The following SNRNP70 variants were observed in gnomAD, a reference collection of about 807,000 sequenced individuals.
SNRNP70 encodes the protein U1 small nuclear ribonucleoprotein 70 kDa.
Under a neutral mutation model 50.5 loss-of-function variants are expected in SNRNP70, and 8 were observed. The observed-to-expected ratio is 0.16, with a 90% confidence interval of 0.09 to 0.29. SNRNP70 has a LOEUF of 0.29. Ranked by LOEUF, SNRNP70 falls within the 10% of genes least tolerant of loss-of-function variation. The pLI is 1.00. For missense variants in SNRNP70, 529 were observed against 663.5 expected (o/e 0.80, Z 2.23); for synonymous variants, 320 against 252.9 (o/e 1.27, Z -2.52).
chr19:49,104,596 G>A lies in SNRNP70; in HGVS notation c.476-38G>A, dbSNP rs1404959696. On this transcript the variant is annotated intron_variant, in intron 7 of 9. Coordinates refer to ENST00000598441, the MANE Select transcript of SNRNP70 (RefSeq NM_003089.6). This position sits in a 1 kb window ranked among gnomAD's most constrained non-coding sequence, Gnocchi z 5.4. ...CTGTCCTGACTAGAGGACCCTCTGG[G>A]GACTCCTCTCCCCTCCCCCTCCCCA... The A allele has an allele frequency of 1.4e-6, 2 of 1,475,390 alleles. No individual in the cohort carries two copies. Among genetic ancestry groups the A allele is most frequent in the African/African-American group, 1.4e-5 (1 of 71,634 alleles). The allele number at this position is 1,475,390 out of a possible 1,614,324, so 91.4% of individuals were successfully genotyped here.
At position 49,107,384 on chromosome 19, in the gene SNRNP70, G is replaced by A. The variant is rs1345908518; in HGVS notation, c.578-241G>A. ...CTATGGTTAAGATGATGCGCTTTGGGGCCAGACATGGGTTCCAGTAACGGC... is the reference window on the plus strand; with the variant it reads ...CTATGGTTAAGATGATGCGCTTTGGAGCCAGACATGGGTTCCAGTAACGGC... On this transcript the variant is annotated intron_variant, in intron 8 of 9. Transcript: ENST00000598441. This position sits in a 1 kb window ranked among gnomAD's most constrained non-coding sequence, Gnocchi z 6.0. Among the ~76,000 whole-genome samples the A allele has an allele frequency of 6.6e-6, 1 of 152,202 alleles. No homozygotes were observed. The highest frequency in any genetic ancestry group is 1.5e-5 in the Non-Finnish European group (1 of 68,040).
intron 6 of SNRNP70, among the ~76,000 whole-genome samples, chr19:49,101,134 T>G (rs923212295): frequency 5.9e-5 from 9 of 152,252 alleles, no homozygotes; most frequent in Non-Finnish European, 5.9e-5. Flanking sequence ...CTATTCCACC[T>G]GACAGGCTGA....
intron 6 of SNRNP70, among the ~76,000 whole-genome samples, chr19:49,099,357 G>A (rs1351689459): frequency 2.0e-5 from 3 of 152,122 alleles, no homozygotes; most frequent in Non-Finnish European, 2.9e-5. Flanking sequence ...AGGCAGAGGC[G>A]GGAGGATAGC....
chr19:49,098,606 G>A (rs747002999), intron 5 of SNRNP70, 36 bp from the exon 6 acceptor site: 3 of 1,605,876 alleles, frequency 1.9e-6, no homozygotes, highest in African/African-American at 1.3e-5. Context: ...GGACAGCTCT[G>A]TTCTCCCATT....
Position 49,098,476 on chromosome 19 carries a change from C to A in SNRNP70, c.315C>A (p.Leu105=). The change falls in exon 5 of 10, where the codon CTC becomes CTA. Residue 105 remains leucine (L), a synonymous_variant. Coordinates refer to ENST00000598441, the MANE Select transcript of SNRNP70 (RefSeq NM_003089.6). The part of the protein sequence containing the change: ...PNAQGDAFKT[L]FVARVNYDTT... ...CTCAGGGGGATGCCTTCAAGACTCT[C>A]TTCGTGGCGAGAGTGGTAAGTCCCC... is the stretch of plus-strand genomic sequence containing the variant. 1 of 1,613,904 alleles carries A rather than the reference C, an allele frequency of 6.2e-7. No individual in the cohort carries two copies. Among genetic ancestry groups the A allele is most frequent in the Middle Eastern group, 1.6e-4 (1 of 6,062 alleles).
At chr19:49,099,965 C>A (rs2040561979) in intron 6 of SNRNP70, among the ~76,000 whole-genome samples, 1 of 152,092 alleles carries the variant, frequency 6.6e-6, no homozygotes, top group South Asian at 2.1e-4. Context: ...CACACACACA[C>A]ACACGTTGTT....
intron 4 of SNRNP70, among the ~76,000 whole-genome samples, 167 bp from the exon 5 acceptor site, chr19:49,098,260 T>C (rs2040537877): frequency 6.6e-6 from 1 of 152,154 alleles, no homozygotes; most frequent in Non-Finnish European, 1.5e-5. Context: ...GAGAAACAGG[T>C]TCAGAGAGGG....
chr19:49,090,554 C>T (rs1365651951), intron 4 of SNRNP70, 34 bp downstream of exon 4: 2 of 1,598,530 alleles, frequency 1.3e-6, no homozygotes, highest in Admixed American at 1.7e-5. Context: ...GCTCTCTCCT[C>T]TCCCAAACCC....
chr19:49,093,421 G>C (rs1396895056), intron 4 of SNRNP70, among the ~76,000 whole-genome samples: 1 of 152,094 alleles, frequency 6.6e-6, no homozygotes, highest in African/African-American at 2.4e-5. Flanking sequence ...ACCCGGGCGT[G>C]GTGGCTCACG....
In SNRNP70 at chr19:49,101,542, C is replaced by T. The variant is rs954065964; in HGVS notation, c.475+71C>T. The T allele has an allele frequency of 2.9e-6, 3 of 1,021,524 alleles. No homozygotes were observed. The African/African-American group carries it at 4.7e-5, about 16-fold the overall frequency. The allele number at this position is 1,021,524 out of a possible 1,614,324, so 63.3% of individuals were successfully genotyped here. A position where few individuals can be genotyped will look rare whatever the true frequency, so the allele number is the denominator to read the frequency against. Reference sequence around the variant, plus strand: ...CTCTGCTGCCCCAGCCCCTCCCAGTCTGTCCCCTCCCCCACCCTGCCACAC... The same window carrying T: ...CTCTGCTGCCCCAGCCCCTCCCAGTTTGTCCCCTCCCCCACCCTGCCACAC... On this transcript the variant is annotated intron_variant, in intron 7 of 9. Coordinates refer to ENST00000598441, the MANE Select transcript of SNRNP70 (RefSeq NM_003089.6).
At position 49,108,239 on chromosome 19, in the gene SNRNP70, T is replaced by G. The variant is rs1285027322; in HGVS notation, c.1110T>G (p.Arg370=). 7 of 1,535,566 alleles carry G rather than the reference T, an allele frequency of 4.6e-6. No homozygotes were observed. The highest frequency in any genetic ancestry group is 4.2e-5 in the African/African-American group (3 of 71,864). Residue 370 remains arginine (R), a synonymous_variant, in exon 10 of 10, where the codon CGT becomes CGG. Coordinates refer to ENST00000598441, the MANE Select transcript of SNRNP70 (RefSeq NM_003089.6). ...GCGAGCGGCGCCGGGACCGGGATCG[T>G]GACCGTGACCGTGACCGCGAGCACA... is the stretch of plus-strand genomic sequence containing the variant. ...SERERRRDRD[R]DRDRDREHKR...
intron 5 of SNRNP70, 71 bp downstream of exon 5, chr19:49,098,562 A>C: frequency 1.3e-6 from 2 of 1,594,454 alleles, no homozygotes; most frequent in Non-Finnish European, 1.7e-6. Flanking sequence ...AAGGTCAAAT[A>C]GGCTAGGTAC....
At chr19:49,089,990 T>C (rs2040428293) in intron 2 of SNRNP70, among the ~76,000 whole-genome samples, 1 of 152,034 alleles carries the variant, frequency 6.6e-6, no homozygotes, top group East Asian at 1.9e-4. Context: ...TTAAATTTTT[T>C]GTGGAGATGG....
At chr19:49,100,476 C>G (rs1356474429) in intron 6 of SNRNP70, among the ~76,000 whole-genome samples, 2 of 152,182 alleles carry the variant, frequency 1.3e-5, no homozygotes, top group African/African-American at 4.8e-5. Flanking sequence ...TCAAGCCTCC[C>G]TGGCTGTGCA....
At chr19:49,095,209 G>A (rs2040497872) in intron 4 of SNRNP70, among the ~76,000 whole-genome samples, 2 of 152,252 alleles carry the variant, frequency 1.3e-5, no homozygotes, top group African/African-American at 4.8e-5. Context: ...CTCACACAGT[G>A]TGCTGGGGTG....
chr19:49,100,554 C>G (rs1384951627), intron 6 of SNRNP70, among the ~76,000 whole-genome samples: 3 of 152,184 alleles, frequency 2.0e-5, no homozygotes, highest in Non-Finnish European at 2.9e-5. Context: ...CGCCCGTAAT[C>G]CCAGCACTTT....
chr19:49,099,953 T>TACAC (rs3838925), intron 6 of SNRNP70, among the ~76,000 whole-genome samples: 25 of 151,322 alleles, frequency 1.7e-4, no homozygotes, highest in Middle Eastern at 3.4e-3. Flanking sequence ...TATATATGTG[T>TACAC]ACACACACAC....
chr19:49,090,212 C>T, intron 2 of SNRNP70, 79 bp from the exon 3 acceptor site: 2 of 1,279,256 alleles, frequency 1.6e-6, no homozygotes, highest in Non-Finnish European at 2.3e-6. Flanking sequence ...GGAGGGTTAA[C>T]CTGTTTATTT....
chr19:49,085,705 C>A (rs1027406666), intron 1 of SNRNP70, 69 bp downstream of exon 1: 3 of 450,860 alleles, frequency 6.7e-6, no homozygotes, highest in South Asian at 3.1e-5. Flanking sequence ...GCGGTGGGCC[C>A]GGTCCTCTTC....
Sources: gnomAD v4.1 joint callset for allele counts (sites outside exome capture counted in the v4.1 genomes callset) on GRCh38, gnomAD v4.1.1 for gene constraint, Gnocchi (gnomAD v3.1) non-coding constraint, MANE v1.5 for transcripts, NCBI Gene and HGNC (gene_info 2026-07-23, HGNC 2026-07-21) for gene names.